The following PHLDB1 variants were observed in gnomAD, a reference collection of about 807,000 sequenced individuals.
PHLDB1 encodes pleckstrin homology like domain family B member 1, also known as pleckstrin homology-like domain family B member 1.
In PHLDB1, 65 loss-of-function variants were observed where a neutral mutation model predicts 139.3. That is an observed-to-expected ratio of 0.47 (90% CI 0.38 to 0.57). The LOEUF (loss-of-function observed/expected upper bound fraction) is 0.57, where lower values mean the gene tolerates loss of function less well. Ranked by LOEUF, PHLDB1 falls within the 20% of genes least tolerant of loss-of-function variation. PHLDB1 has a pLI of 0.00. For synonymous variants in PHLDB1, 679 were observed against 734.5 expected (o/e 0.92, Z 1.22); for missense variants, 1,624 against 1,839.7 (o/e 0.88, Z 2.14).
chr11:118,650,203 G>A lies in PHLDB1; in HGVS notation c.3771+10G>A, dbSNP rs536505585. The A allele has an allele frequency of 8.7e-5, 139 of 1,592,420 alleles. No homozygotes were observed. Among genetic ancestry groups the A allele is most frequent in the South Asian group, 6.9e-4 (63 of 90,650 alleles). ...GGTGCTCAGCAGCAAGGTACAAGGCGTGTGTGGCCCTGGGGTGCTGGGGAG... is the reference window on the plus strand; with the variant it reads ...GGTGCTCAGCAGCAAGGTACAAGGCATGTGTGGCCCTGGGGTGCTGGGGAG... On this transcript the variant is annotated intron_variant, in intron 19 of 22. Coordinates refer to ENST00000600882, the MANE Select transcript of PHLDB1 (RefSeq NM_001144758.3). The surrounding 1 kb of genome is among the most constrained non-coding windows in gnomAD (Gnocchi z 4.7).
chr11:118,608,112 C>G lies in PHLDB1; in HGVS notation c.-22+413C>G, dbSNP rs1481341339. ...CGCCCCACACCTCCCCCTCTCCGCC[C>G]ACAGCAGGACCTTGGGGCGGGGGTA... is the stretch of plus-strand genomic sequence containing the variant. On this transcript the variant is annotated intron_variant, in intron 1 of 22. Transcript: ENST00000600882. This position sits in a 1 kb window ranked among gnomAD's most constrained non-coding sequence, Gnocchi z 6.7. Among the ~76,000 whole-genome samples the G allele has an allele frequency of 6.6e-6, 1 of 152,088 alleles. No homozygotes were observed. Among genetic ancestry groups the G allele is most frequent in the Non-Finnish European group, 1.5e-5 (1 of 67,980 alleles).
rs797028081 is a variant in PHLDB1, at chr11:118,611,835, T to C, written c.-21-1981T>C. On this transcript the variant is annotated intron_variant, in intron 1 of 22. Coordinates refer to ENST00000600882, the MANE Select transcript of PHLDB1 (RefSeq NM_001144758.3). The surrounding 1 kb of genome is among the most constrained non-coding windows in gnomAD (Gnocchi z 4.7). ...CTCCGTCTCAAAAAAAAAAAAAAAA[T>C]AATAATAATAATAATAAATGGCATT... Among the ~76,000 whole-genome samples the C allele has an allele frequency of 6.8e-5, 10 of 148,006 alleles. No individual in the cohort carries two copies. In the East Asian group the frequency reaches 1.4e-3, roughly 20 times the overall value.
At chr11:118,634,838 C>T (rs1333288542) in intron 9 of PHLDB1, 4 of 294,998 alleles carry the variant, frequency 1.4e-5, no homozygotes, top group Non-Finnish European at 2.8e-5. Context: ...CGCTCCCCTC[C>T]CGCCGCTGCC....
At position 118,657,165 on chromosome 11, in the gene PHLDB1, C is replaced by T. The variant is rs782484001; in HGVS notation, c.*342C>T. On this transcript the variant is annotated 3_prime_UTR_variant, in exon 23 of 23. Coordinates refer to ENST00000600882, the MANE Select transcript of PHLDB1 (RefSeq NM_001144758.3). ...CCCCTCCTGCCTCAGACCCCTTTGC[C>T]AGGGGCTTTGGGGGCTGAGCAGAGC... 1.1e-5 allele frequency: 2 copies of T among 188,288 alleles called. No homozygotes were observed. The highest frequency in any genetic ancestry group is 2.7e-4 in the South Asian group (2 of 7,354). 11.7% of individuals were successfully genotyped at this position (188,288 alleles called of 1,614,324 possible).
In PHLDB1 at chr11:118,655,873, GCTTCACTAT is replaced by G. The variant is rs1565513535; in HGVS notation, c.3975_3983del (p.Phe1326_Met1328del). 1 of 1,612,342 alleles carries G rather than the reference GCTTCACTAT, an allele frequency of 6.2e-7. No homozygotes were observed. Among genetic ancestry groups the G allele is most frequent in the East Asian group, 2.2e-5 (1 of 44,866 alleles). On this transcript the variant is annotated inframe_deletion, in exon 22 of 23. Transcript: ENST00000600882. Reference sequence around the variant, plus strand: ...TCCCCTTCCCAGAAGAGGTTTTTCCGCTTCACTATGGTGACTGAGGTACCCCTCCCCACT... The same window carrying G: ...TCCCCTTCCCAGAAGAGGTTTTTCCGGGTGACTGAGGTACCCCTCCCCACT...
At chr11:118,639,068 T>C (rs1946101773) in intron 11 of PHLDB1, 67 bp downstream of exon 11, 1 of 1,552,320 alleles carries the variant, frequency 6.4e-7, no homozygotes, top group Admixed American at 1.7e-5. Context: ...GCAGAAGGAC[T>C]GGGGTGTAAA....
rs1944204484 is a variant in PHLDB1, at chr11:118,628,240, C to T, written c.1417C>T (p.Pro473Ser). 6.2e-7 allele frequency: 1 copy of T among 1,614,022 alleles called. No homozygotes were observed. Among genetic ancestry groups the T allele is most frequent in the Non-Finnish European group, 8.5e-7 (1 of 1,180,012 alleles). ...SLSRRALSPL[P>S]TRTTPDPKLN... is the part of the protein sequence containing the mutation. ...GTCCCGGCGAGCTCTCTCCCCGCTG[C>T]CCACCCGGACCACCCCAGATCCCAA... Residue 473 changes from proline to serine, a missense_variant, in exon 6 of 23, where the codon CCC (proline) becomes TCC (serine). Pro to Ser is a moderately conservative substitution (Grantham distance 74, BLOSUM62 -1). Transcript: ENST00000600882.
chr11:118,644,043 C>A, intron 14 of PHLDB1, 29 bp from the exon 15 acceptor site: 1 of 1,610,444 alleles, frequency 6.2e-7, no homozygotes, highest in Non-Finnish European at 8.5e-7. Context: ...CCTTCTGAGC[C>A]CAGGTCCGAA....
At chr11:118,635,035 A>G (rs1157640768) in intron 9 of PHLDB1, 14 of 492,230 alleles carry the variant, frequency 2.8e-5, no homozygotes, top group Admixed American at 4.7e-5. Context: ...GAACAGTTAC[A>G]GGAGCAGCTG....
intron 12 of PHLDB1, chr11:118,639,895 G>C (rs1030513796): frequency 6.1e-6 from 6 of 986,790 alleles, no homozygotes; most frequent in Non-Finnish European, 7.2e-6. Context: ...TCAGAGATGG[G>C]GCTGGGGACT....
chr11:118,623,832 G>A (rs1555097597), intron 4 of PHLDB1, among the ~76,000 whole-genome samples: 2 of 151,946 alleles, frequency 1.3e-5, no homozygotes, highest in African/African-American at 4.8e-5. Context: ...CATGGATACA[G>A]GCTGGGGTTG....
chr11:118,623,505 C>T (rs2136014928), intron 4 of PHLDB1, among the ~76,000 whole-genome samples: 1 of 152,324 alleles, frequency 6.6e-6, no homozygotes, highest in African/African-American at 2.4e-5. Flanking sequence ...CTTGTGTCTA[C>T]TGCCTGGGAA....
chr11:118,642,418 C>T (rs782280548), intron 13 of PHLDB1, 24 bp downstream of exon 13: 1 of 1,600,410 alleles, frequency 6.2e-7, no homozygotes, highest in Admixed American at 1.7e-5. Context: ...CACTGCCCGT[C>T]CTCCCCAGCC....
At chr11:118,626,901 C>T (rs537397024) in intron 5 of PHLDB1, 7 of 207,772 alleles carry the variant, frequency 3.4e-5, no homozygotes, top group South Asian at 1.7e-4. Context: ...GTGATCTGCC[C>T]GCCTTGGCCT....
chr11:118,642,898 C>T (rs555737372), intron 13 of PHLDB1, among the ~76,000 whole-genome samples: 3 of 152,328 alleles, frequency 2.0e-5, no homozygotes, highest in Admixed American at 6.5e-5. Context: ...TAAGCCTCCT[C>T]AGAGTTGCCA....
In PHLDB1 at chr11:118,650,673, G is replaced by A. The variant is rs141735445; in HGVS notation, c.3874+126G>A. 2.9e-3 allele frequency: 1,899 copies of A among 662,050 alleles called. 35 individuals are homozygous for A. In the East Asian group the frequency reaches 0.035, roughly 12 times the overall value. 41.0% of individuals were successfully genotyped at this position (662,050 alleles called of 1,614,324 possible). On this transcript the variant is annotated intron_variant, in intron 20 of 22. Coordinates refer to ENST00000600882, the MANE Select transcript of PHLDB1 (RefSeq NM_001144758.3). The surrounding 1 kb of genome is among the most constrained non-coding windows in gnomAD (Gnocchi z 4.7). ...GGACCAGAGTCTTGGGCTAGGCTTT[G>A]CCCTCCTTCCCTGAAAATGTACACA... is the stretch of plus-strand genomic sequence containing the variant.
intron 9 of PHLDB1, chr11:118,633,517 T>C (rs1447300428): frequency 3.9e-5 from 6 of 152,204 alleles, no homozygotes; most frequent in African/African-American, 1.4e-4. Context: ...GCCTGCCCTC[T>C]GGAGCCAAGG....
Position 118,644,064 on chromosome 11 carries a change from C to T in PHLDB1, c.3019-8C>T. The T allele has an allele frequency of 6.2e-7, 1 of 1,613,050 alleles. No homozygotes were observed. Among genetic ancestry groups the T allele is most frequent in the Non-Finnish European group, 8.5e-7 (1 of 1,179,238 alleles). On this transcript the variant is annotated splice_polypyrimidine_tract_variant and splice_region_variant and intron_variant, in intron 14 of 22. Coordinates refer to ENST00000600882, the MANE Select transcript of PHLDB1 (RefSeq NM_001144758.3). ...GAGCCCAGGTCCGAACTCTCCATTC[C>T]TCTGCAGAGCGCTCTACTCACCCAG...
In PHLDB1 at chr11:118,635,397, C is replaced by T; in HGVS notation, c.2384C>T (p.Ala795Val). The T allele has an allele frequency of 2.5e-6, 4 of 1,584,248 alleles. No individual in the cohort carries two copies. The highest frequency in any genetic ancestry group is 3.4e-6 in the Non-Finnish European group (4 of 1,167,370). ...TGIQKERDKE[A>V]EALETETKLF... ...CCTTTGTCACTGTCGTTGAAGGAGG[C>T]AGAGGCCCTGGAGACTGAGACAAAG... The change falls in exon 10 of 23, where the codon GCA becomes GTA. Residue 795 changes from alanine (A) to valine (V), a missense_variant. By Grantham distance (64) the Ala-to-Val change is moderately conservative (BLOSUM62 0). Coordinates refer to ENST00000600882, the MANE Select transcript of PHLDB1 (RefSeq NM_001144758.3).
Sources: allele counts gnomAD v4.1 joint callset (sites outside exome capture counted in the v4.1 genomes callset), GRCh38; gene constraint gnomAD v4.1.1; non-coding constraint Gnocchi (gnomAD v3.1); transcripts MANE v1.5; gene names NCBI Gene and HGNC (gene_info 2026-07-23, HGNC 2026-07-21).